The following TLN2 variants were observed in gnomAD, a reference collection of about 807,000 sequenced individuals.
TLN2 encodes the protein talin 2.
Under a neutral mutation model 294.7 loss-of-function variants are expected in TLN2, and 118 were observed. That is an observed-to-expected ratio of 0.40 (90% CI 0.34 to 0.47). The LOEUF (loss-of-function observed/expected upper bound fraction) is 0.47, where lower values mean the gene tolerates loss of function less well. TLN2 is among the 20% of genes least tolerant of loss of function. The probability of loss-of-function intolerance (pLI) is 0.84; values close to 1 mark genes in which losing one functional copy is unlikely to be tolerated. For synonymous variants in TLN2, 1,431 were observed against 1,304.5 expected (o/e 1.10, Z -2.09); for missense variants, 3,083 against 3,282.2 (o/e 0.94, Z 1.48).
At chr15:62,479,872 G>A (rs933639112) in intron 1 of TLN2, among the ~76,000 whole-genome samples, 2 of 152,242 alleles carry the variant, frequency 1.3e-5, no homozygotes, top group Admixed American at 6.5e-5. Context: ...CTGTGAGCTC[G>A]ATAAACATCT....
intron 17 of TLN2, among the ~76,000 whole-genome samples, chr15:62,701,697 C>A (rs1167103214): frequency 6.6e-6 from 1 of 152,180 alleles, no homozygotes; most frequent in Non-Finnish European, 1.5e-5. Context: ...GCAGAGTTGA[C>A]CCCCTGAGCT....
chr15:62,498,005 T>C (rs1161285448), intron 1 of TLN2, among the ~76,000 whole-genome samples: 1 of 151,886 alleles, frequency 6.6e-6, no homozygotes, highest in Non-Finnish European at 1.5e-5. Context: ...CTCAGCACTT[T>C]GGGAGGCCAG....
At chr15:62,491,324 C>G (rs1261015933) in intron 1 of TLN2, among the ~76,000 whole-genome samples, 2 of 109,630 alleles carry the variant, frequency 1.8e-5, no homozygotes, top group African/African-American at 7.5e-5. Context: ...AAGACTCTGT[C>G]TCAAAAAAAA....
chr15:62,424,005 C>G (rs187352512), intron 1 of TLN2, among the ~76,000 whole-genome samples: 4 of 152,250 alleles, frequency 2.6e-5, no homozygotes, highest in Admixed American at 2.6e-4. Context: ...ATCTGGGTAG[C>G]AAAATGGTTA....
At chr15:62,710,364 C>T (rs1440620973) in intron 21 of TLN2, among the ~76,000 whole-genome samples, 1 of 152,156 alleles carries the variant, frequency 6.6e-6, no homozygotes, top group Admixed American at 6.5e-5. Context: ...TTTGTGCTTC[C>T]TTGCCAGCAT....
intron 28 of TLN2, among the ~76,000 whole-genome samples, chr15:62,727,930 G>C (rs1040466949): frequency 2.0e-5 from 3 of 152,146 alleles, no homozygotes; most frequent in Non-Finnish European, 4.4e-5. Flanking sequence ...CATTGCTTTT[G>C]TTATACAGTA....
chr15:62,814,847 C>T (rs1012597858), intron 52 of TLN2, among the ~76,000 whole-genome samples: 1 of 152,134 alleles, frequency 6.6e-6, no homozygotes, highest in Non-Finnish European at 1.5e-5. Flanking sequence ...TCCTAGAAAT[C>T]TGGGTTAAAA....
chr15:62,792,605 C>G (rs184422508), intron 45 of TLN2, 36 bp from the exon 46 acceptor site: 197 of 1,606,336 alleles, frequency 1.2e-4, no homozygotes, highest in Non-Finnish European at 1.6e-4. Flanking sequence ...GAGTCCATCA[C>G]GCTTCTCCTT....
At chr15:62,785,433 G>C (rs2133089) in intron 45 of TLN2, among the ~76,000 whole-genome samples, 149,525 of 152,240 alleles carry the variant, frequency 0.98, 73,481 homozygotes, top group Middle Eastern at 1. Flanking sequence ...AGGCCGAGGT[G>C]GACAGATCAC....
At chr15:62,409,018 C>T (rs1246376302) in intron 1 of TLN2, among the ~76,000 whole-genome samples, 2 of 151,510 alleles carry the variant, frequency 1.3e-5, no homozygotes, top group African/African-American at 4.9e-5. Context: ...CACTCTGTCT[C>T]CCAGGCTGGA....
At chr15:62,520,875 G>A (rs1014791091) in intron 1 of TLN2, among the ~76,000 whole-genome samples, 5 of 152,080 alleles carry the variant, frequency 3.3e-5, no homozygotes, top group Non-Finnish European at 5.9e-5. Context: ...TAATTTTTAT[G>A]TACTTGTTAA....
At chr15:62,640,754 A>AT (rs1180974607) in intron 3 of TLN2, among the ~76,000 whole-genome samples, 4 of 152,178 alleles carry the variant, frequency 2.6e-5, no homozygotes, top group Non-Finnish European at 4.4e-5. Flanking sequence ...ATGTTGTGTG[A>AT]CTGCGATAAG....
rs115582828 is a variant in TLN2 at position 62,538,739 on chromosome 15, G to T, written c.-237-50948G>T. The stretch of plus-strand genomic sequence containing the variant: ...CCCCTCTAACCTCTTTCTATGTAAG[G>T]AAGTATATATCCACTTGATAGACTC... On this transcript the variant is annotated intron_variant, in intron 1 of 58. Transcript: ENST00000636159. Among the ~76,000 whole-genome samples, 413 of 152,230 alleles carry T rather than the reference G, an allele frequency of 2.7e-3. 3 individuals carry two copies. Among genetic ancestry groups the T allele is most frequent in the African/African-American group, 9.6e-3 (398 of 41,546 alleles).
At chr15:62,551,568 A>G (rs576983633) in intron 1 of TLN2, among the ~76,000 whole-genome samples, 2 of 151,986 alleles carry the variant, frequency 1.3e-5, no homozygotes, top group Non-Finnish European at 2.9e-5. Context: ...ATGTGGTGGC[A>G]GGCACCTGTA....
intron 1 of TLN2, among the ~76,000 whole-genome samples, chr15:62,520,640 G>A (rs1247124905): frequency 6.6e-6 from 1 of 152,238 alleles, no homozygotes; most frequent in Non-Finnish European, 1.5e-5. Context: ...CTACAGCATA[G>A]AGACCAAGGA....
At position 62,841,737 on chromosome 15, in the gene TLN2, CCT is replaced by C. The variant is rs1394046947; in HGVS notation, c.*1130_*1131del. The stretch of plus-strand genomic sequence containing the variant: ...CACTTCCAGAATTTCATATTTTTCC[CCT>C]CTTTTCTTTCCCCTTTTCAGAGCCC... On this transcript the variant is annotated 3_prime_UTR_variant, in exon 59 of 59. Coordinates refer to ENST00000636159, the MANE Select transcript of TLN2 (RefSeq NM_015059.3). 1.3e-5 allele frequency: 2 copies of C among 152,038 alleles called. No homozygotes were observed. Among genetic ancestry groups the C allele is most frequent in the African/African-American group, 2.4e-5 (1 of 41,398 alleles). 9.4% of individuals were successfully genotyped at this position (152,038 alleles called of 1,614,324 possible). A position where few individuals can be genotyped will look rare whatever the true frequency, so the allele number is the denominator to read the frequency against.
chr15:62,535,112 T>C (rs768691991), intron 1 of TLN2, among the ~76,000 whole-genome samples: 1 of 152,102 alleles, frequency 6.6e-6, no homozygotes, highest in Non-Finnish European at 1.5e-5. Context: ...GAAAGTAGGG[T>C]AGATGTGATT....
intron 1 of TLN2, among the ~76,000 whole-genome samples, chr15:62,568,946 T>G (rs988824991): frequency 3.3e-5 from 5 of 152,192 alleles, no homozygotes; most frequent in African/African-American, 1.2e-4. Flanking sequence ...AGGAATCTAT[T>G]CTCTCCCAGT....
chr15:62,826,225 G>C (rs1381362888), intron 54 of TLN2, among the ~76,000 whole-genome samples: 1 of 152,032 alleles, frequency 6.6e-6, no homozygotes, highest in African/African-American at 2.4e-5. Flanking sequence ...AACAGAAATA[G>C]TGATTAAAAG....
Sources: gnomAD v4.1 joint callset for allele counts (sites outside exome capture counted in the v4.1 genomes callset) on GRCh38, gnomAD v4.1.1 for gene constraint, MANE v1.5 for transcripts, NCBI Gene and HGNC (gene_info 2026-07-23, HGNC 2026-07-21) for gene names.